The following SPIDR variants were observed in gnomAD, a reference collection of about 807,000 sequenced individuals.
The protein encoded by SPIDR is DNA repair-scaffolding protein.
Under a neutral mutation model 104.6 loss-of-function variants are expected in SPIDR, and 93 were observed. The observed-to-expected ratio is 0.89, with a 90% confidence interval of 0.75 to 1.06. The LOEUF (loss-of-function observed/expected upper bound fraction) is 1.06. Ranked by LOEUF, SPIDR falls within the 50% of genes least tolerant of loss-of-function variation. The pLI is 0.00. For missense variants in SPIDR, 1,154 were observed against 1,111.2 expected, an observed-to-expected ratio of 1.04 and a Z score of -0.55; for synonymous variants, 431 against 416.9, an observed-to-expected ratio of 1.03 and a Z score of -0.41.
intron 16 of SPIDR, among the ~76,000 whole-genome samples, chr8:47,713,948 C>T (rs762032603): frequency 4.6e-5 from 7 of 152,160 alleles, no homozygotes; most frequent in Non-Finnish European, 2.9e-5. Flanking sequence ...TCAAGCTGAG[C>T]TCTGAAGCAT....
intron 5 of SPIDR, among the ~76,000 whole-genome samples, chr8:47,308,397 T>A (rs1417484718): frequency 1.3e-5 from 2 of 151,400 alleles, no homozygotes; most frequent in Non-Finnish European, 2.9e-5. Context: ...ATGTTACTGT[T>A]TTTGTTTATT....
intron 5 of SPIDR, among the ~76,000 whole-genome samples, chr8:47,340,304 C>T (rs931513223): frequency 6.6e-6 from 1 of 152,022 alleles, no homozygotes; most frequent in African/African-American, 2.4e-5. Context: ...TTTCTCAACA[C>T]GTACAATAAA....
At chr8:47,508,652 G>A (rs1225448637) in intron 8 of SPIDR, among the ~76,000 whole-genome samples, 3 of 152,142 alleles carry the variant, frequency 2.0e-5, no homozygotes. Context: ...CACTGCATAG[G>A]TCAAGACACA....
chr8:47,433,563 T>C (rs1453193051), intron 7 of SPIDR, among the ~76,000 whole-genome samples: 1 of 152,212 alleles, frequency 6.6e-6, no homozygotes, highest in Non-Finnish European at 1.5e-5. Flanking sequence ...AGACTACTAA[T>C]GGGTATGCTG....
chr8:47,430,290 A>G (rs1554688137), intron 7 of SPIDR, among the ~76,000 whole-genome samples: 1 of 152,088 alleles, frequency 6.6e-6, no homozygotes, highest in East Asian at 1.9e-4. Flanking sequence ...CAAGACACAA[A>G]CACCTCCTTG....
At chr8:47,665,018 G>A (rs2074712521) in intron 10 of SPIDR, among the ~76,000 whole-genome samples, 1 of 152,178 alleles carries the variant, frequency 6.6e-6, no homozygotes, top group Non-Finnish European at 1.5e-5. Context: ...TAATGAGAGT[G>A]CGAGAGAGAG....
chr8:47,502,186 C>A (rs1181652027), intron 8 of SPIDR, among the ~76,000 whole-genome samples: 3 of 152,134 alleles, frequency 2.0e-5, no homozygotes, highest in African/African-American at 7.2e-5. Flanking sequence ...CCCTCTTTTT[C>A]TGTTGATTGG....
intron 7 of SPIDR, among the ~76,000 whole-genome samples, chr8:47,414,622 T>C (rs781977813): frequency 6.6e-6 from 1 of 152,188 alleles, no homozygotes; most frequent in Non-Finnish European, 1.5e-5. Flanking sequence ...TTTTTGTCTG[T>C]ATATTTATTC....
At chr8:47,496,293 G>A (rs2079428786) in intron 8 of SPIDR, among the ~76,000 whole-genome samples, 1 of 152,024 alleles carries the variant, frequency 6.6e-6, no homozygotes, top group African/African-American at 2.4e-5. Context: ...AAGTGTTCAG[G>A]GAAAGCATTC....
intron 7 of SPIDR, 113 bp downstream of exon 7, chr8:47,408,074 A>T (rs912514855): frequency 1.4e-5 from 7 of 510,656 alleles, no homozygotes; most frequent in Admixed American, 1.1e-4. Flanking sequence ...CTTTTTAAAA[A>T]TTTTTTCCAA....
intron 1 of SPIDR, among the ~76,000 whole-genome samples, chr8:47,272,714 A>T (rs1389307599): frequency 6.6e-6 from 1 of 152,058 alleles, no homozygotes; most frequent in East Asian, 1.9e-4. Context: ...TCCTTAGTTC[A>T]GCTAAAATCT....
At chr8:47,714,912 G>A (rs971757655) in intron 16 of SPIDR, among the ~76,000 whole-genome samples, 6 of 152,128 alleles carry the variant, frequency 3.9e-5, no homozygotes, top group Non-Finnish European at 7.3e-5. Context: ...GGATTTCAGC[G>A]GCTTGGGGTT....
intron 10 of SPIDR, among the ~76,000 whole-genome samples, chr8:47,628,630 G>A (rs1331628920): frequency 6.6e-6 from 1 of 152,148 alleles, no homozygotes; most frequent in Non-Finnish European, 1.5e-5. Context: ...TGAATGTCAT[G>A]TTTAGACTTG....
At chr8:47,543,765 A>G (rs1266405018) in intron 8 of SPIDR, among the ~76,000 whole-genome samples, 2 of 152,212 alleles carry the variant, frequency 1.3e-5, no homozygotes, top group East Asian at 1.9e-4. Flanking sequence ...CTCATAGCAC[A>G]TCCTCTGCTA....
intron 5 of SPIDR, among the ~76,000 whole-genome samples, chr8:47,307,659 C>T (rs1356746397): frequency 1.3e-5 from 2 of 151,214 alleles, no homozygotes. Flanking sequence ...ATGCCTCAGC[C>T]TCCCTAGTAG....
At chr8:47,300,536 T>C (rs2041878162) in intron 5 of SPIDR, among the ~76,000 whole-genome samples, 1 of 152,226 alleles carries the variant, frequency 6.6e-6, no homozygotes, top group Non-Finnish European at 1.5e-5. Context: ...TTAATTGGGA[T>C]GTTAGGGTGT....
At chr8:47,330,354 A>G (rs1587089829) in intron 5 of SPIDR, among the ~76,000 whole-genome samples, 1 of 152,266 alleles carries the variant, frequency 6.6e-6, no homozygotes, top group East Asian at 1.9e-4. Context: ...GAACCCGTGT[A>G]TACACATCTT....
chr8:47,354,340 CT>C (rs11294456), intron 5 of SPIDR, among the ~76,000 whole-genome samples: 14,663 of 142,700 alleles, frequency 0.1, 904 homozygotes, highest in African/African-American at 0.19. Context: ...CGTTTGCCAT[CT>C]TTTTTTTTTT....
chr8:47,352,852 G>C lies in SPIDR; in HGVS notation c.526-43524G>C, dbSNP rs575068898. The stretch of plus-strand genomic sequence containing the variant: ...GCCGAGTCGATGAGGTTGAGAGATC[G>C]AGACCATCCTGGCCAACGTGGTGAA... On this transcript the variant is annotated intron_variant, in intron 5 of 19. Coordinates refer to ENST00000297423, the MANE Select transcript of SPIDR (RefSeq NM_001080394.4). Among the ~76,000 whole-genome samples, 8 of 151,848 alleles carry C rather than the reference G, an allele frequency of 5.3e-5. No individual in the cohort carries two copies. The South Asian group carries it at 1.7e-3, about 32-fold the overall frequency.
Sources: allele counts gnomAD v4.1 joint callset (sites outside exome capture counted in the v4.1 genomes callset), GRCh38; gene constraint gnomAD v4.1.1; transcripts MANE v1.5; gene names NCBI Gene and HGNC (gene_info 2026-07-23, HGNC 2026-07-21).